Variants in DPM1 observed in about 807,000 individuals in gnomAD.
The protein encoded by DPM1 is dolichyl-phosphate mannosyltransferase subunit 1, catalytic.
A neutral mutation model predicts 39.0 loss-of-function variants in DPM1; 27 were observed. The observed-to-expected ratio is 0.69, with a 90% CI of 0.51 to 0.95. The LOEUF (loss-of-function observed/expected upper bound fraction) is 0.95, where lower values mean the gene tolerates loss of function less well. Among genes scored for constraint, DPM1 ranks in the 40% least tolerant of loss-of-function variants. The pLI, the probability that DPM1 is intolerant of heterozygous loss-of-function variation, is 0.00. For synonymous variants in DPM1, 124 were observed against 109.0 expected (o/e 1.14, Z -0.86); for missense variants, 307 against 315.6 (o/e 0.97, Z 0.21).
At chr20:50,942,857 T>C (rs192287714) in intron 5 of DPM1, among the ~76,000 whole-genome samples, 18 of 152,306 alleles carry the variant, frequency 1.2e-4, no homozygotes, top group Admixed American at 4.6e-4. Flanking sequence ...AAGTACATTT[T>C]GTGACCTGGT....
intron 3 of DPM1, 118 bp downstream of exon 3, chr20:50,948,511 T>C: frequency 9.9e-7 from 1 of 1,008,780 alleles, no homozygotes; most frequent in South Asian, 1.3e-5. Flanking sequence ...TTAAGATCAT[T>C]AAAAACCATC....
intron 7 of DPM1, among the ~76,000 whole-genome samples, chr20:50,936,589 C>T (rs1307460804): frequency 6.6e-6 from 1 of 152,072 alleles, no homozygotes; most frequent in Non-Finnish European, 1.5e-5. Flanking sequence ...TTTAAGATTT[C>T]CCTAAAATTT....
At chr20:50,949,787 CA>C (rs1031338232) in intron 2 of DPM1, among the ~76,000 whole-genome samples, 2 of 150,512 alleles carry the variant, frequency 1.3e-5, no homozygotes, top group African/African-American at 4.9e-5. Flanking sequence ...TCACTATATG[CA>C]ATCTGCTGGA....
At chr20:50,935,286 G>T (rs1420967666) in intron 8 of DPM1, 50 bp from the exon 9 acceptor site, 1 of 1,160,914 alleles carries the variant, frequency 8.6e-7, no homozygotes, top group Non-Finnish European at 1.3e-6. Flanking sequence ...CAATTAGGCA[G>T]CTTAGCCGGT....
chr20:50,936,890 T>C (rs760085105), intron 7 of DPM1, among the ~76,000 whole-genome samples: 15 of 152,162 alleles, frequency 9.9e-5, no homozygotes, highest in Non-Finnish European at 2.2e-4. Flanking sequence ...AGTTAGACAC[T>C]TAACAGTGGG....
upstream of DPM1, chr20:50,958,564 G>T: frequency 6.2e-7 from 1 of 1,612,128 alleles, no homozygotes. Flanking sequence ...ATTACGTAAT[G>T]TGGCGCGGAA....
At chr20:50,943,172 C>T (rs1986002681) in intron 5 of DPM1, among the ~76,000 whole-genome samples, 1 of 152,084 alleles carries the variant, frequency 6.6e-6, no homozygotes, top group Non-Finnish European at 1.5e-5. Flanking sequence ...GAGATTCCAT[C>T]TCAAAACAAA....
chr20:50,942,479 G>A (rs1985926020), intron 5 of DPM1, among the ~76,000 whole-genome samples: 1 of 151,332 alleles, frequency 6.6e-6, no homozygotes, highest in African/African-American at 2.4e-5. Context: ...CTCTAGCCTG[G>A]GCAACAAGAG....
intron 3 of DPM1, among the ~76,000 whole-genome samples, chr20:50,946,321 A>G (rs925237783): frequency 4.6e-5 from 7 of 152,202 alleles, no homozygotes; most frequent in African/African-American, 9.6e-5. Flanking sequence ...TTCCTACTTA[A>G]TATCTCCACT....
chr20:50,942,782 A>C (rs879552300), intron 5 of DPM1, among the ~76,000 whole-genome samples: 1 of 152,252 alleles, frequency 6.6e-6, no homozygotes, highest in Non-Finnish European at 1.5e-5. Flanking sequence ...TTGCCTAGAG[A>C]AAGATAAAGA....
chr20:50,954,742 A>G (rs916259222), intron 2 of DPM1, among the ~76,000 whole-genome samples: 1 of 152,206 alleles, frequency 6.6e-6, no homozygotes, highest in South Asian at 2.1e-4. Context: ...AATGTTTCAC[A>G]AGAAAACAGT....
chr20:50,948,937 T>G (rs1339425134), intron 2 of DPM1, among the ~76,000 whole-genome samples: 2 of 152,088 alleles, frequency 1.3e-5, no homozygotes, highest in African/African-American at 4.8e-5. Flanking sequence ...CTCCGCTCAC[T>G]GCAACCTCTG....
intron 2 of DPM1, among the ~76,000 whole-genome samples, chr20:50,949,925 C>T (rs1226138474): frequency 6.6e-6 from 1 of 152,128 alleles, no homozygotes; most frequent in Non-Finnish European, 1.5e-5. Context: ...TCAGTCACTC[C>T]AGGTCTTTGG....
intron 8 of DPM1, 74 bp downstream of exon 8, chr20:50,936,074 T>C: frequency 2.7e-6 from 3 of 1,121,908 alleles, no homozygotes; most frequent in Non-Finnish European, 1.3e-6. Context: ...AGTTAAACTT[T>C]TTATTATAAA....
chr20:50,939,384 T>A (rs1985508732), intron 7 of DPM1, among the ~76,000 whole-genome samples: 1 of 152,276 alleles, frequency 6.6e-6, no homozygotes, highest in East Asian at 1.9e-4. Context: ...TGTTTTTTTT[T>A]AGACGGAGTC....
At chr20:50,956,431 G>A (rs539751138) in intron 1 of DPM1, among the ~76,000 whole-genome samples, 13 of 151,422 alleles carry the variant, frequency 8.6e-5, no homozygotes, top group Middle Eastern at 6.8e-3. Context: ...GTGAAACCCC[G>A]TCTCTACTAA....
intron 2 of DPM1, among the ~76,000 whole-genome samples, chr20:50,950,480 C>A (rs1255660024): frequency 1.3e-5 from 2 of 152,122 alleles, no homozygotes; most frequent in African/African-American, 4.8e-5. Context: ...AAATACTGAT[C>A]CCCATCTGGT....
At position 50,945,851 on chromosome 20, in the gene DPM1, T is replaced by C; in HGVS notation, c.368A>G (p.His123Arg). 1 of 1,613,378 alleles carries C rather than the reference T, an allele frequency of 6.2e-7. No individual in the cohort carries two copies. Among genetic ancestry groups the C allele is most frequent in the Non-Finnish European group, 8.5e-7 (1 of 1,179,462 alleles). ...YIIIMDADLS[H>R]HPKFIPEFIR... ...ATAAAGAAACATACCACTTACATGG[T>C]GTGAGAGATCAGCATCCATAATAAT... The change falls in exon 4 of 9, where the codon CAC becomes CGC. Residue 123 changes from histidine (H) to arginine (R), a missense_variant. Coordinates refer to ENST00000371588, the MANE Select transcript of DPM1 (RefSeq NM_003859.3).
intron 6 of DPM1, among the ~76,000 whole-genome samples, chr20:50,941,375 T>TATATTCATATAC (rs1985800131): frequency 2.2e-5 from 3 of 138,158 alleles, no homozygotes; most frequent in African/African-American, 8.6e-5. Flanking sequence ...ATATTCATAT[T>TATATTCATATAC]ATATATATTC....
Sources: allele counts gnomAD v4.1 joint callset (sites outside exome capture counted in the v4.1 genomes callset), GRCh38; gene constraint gnomAD v4.1.1; transcripts MANE v1.5; gene names NCBI Gene and HGNC (gene_info 2026-07-23, HGNC 2026-07-21).